The following MPZL1 variants were observed in gnomAD, a reference collection of about 807,000 sequenced individuals.
MPZL1 encodes the protein myelin protein zero-like protein 1.
Under a neutral mutation model 29.3 loss-of-function variants are expected in MPZL1, and 16 were observed. The ratio of observed to expected loss-of-function variants is 0.55; its 90% confidence interval spans 0.37 to 0.83. The LOEUF (loss-of-function observed/expected upper bound fraction) is 0.83, where lower values mean the gene tolerates loss of function less well. MPZL1 is among the 40% of genes least tolerant of loss of function. The pLI is 0.00. For missense variants in MPZL1, 279 were observed against 332.9 expected (o/e 0.84, Z 1.26); for synonymous variants, 143 against 132.0 (o/e 1.08, Z -0.57).
At chr1:167,767,783 C>A (rs1444702052) in intron 2 of MPZL1, among the ~76,000 whole-genome samples, 1 of 119,530 alleles carries the variant, frequency 8.4e-6, no homozygotes, top group Non-Finnish European at 1.8e-5. Context: ...CTTCTGTTTC[C>A]CTTTTCTGCT....
chr1:167,725,454 T>C (rs1302435090), intron 1 of MPZL1, among the ~76,000 whole-genome samples: 2 of 152,040 alleles, frequency 1.3e-5, no homozygotes, highest in African/African-American at 2.4e-5. Context: ...CTGGCTAATT[T>C]TTGATTTTTC....
In MPZL1 at chr1:167,765,749, G is replaced by A. The variant is rs746079380; in HGVS notation, c.258G>A (p.Ser86=). The A allele has an allele frequency of 2.5e-6, 4 of 1,595,058 alleles. No individual in the cohort carries two copies. The highest frequency in any genetic ancestry group is 2.3e-5 in the East Asian group (1 of 44,330). The change falls in exon 2 of 6, where the codon TCG becomes TCA. Residue 86 remains serine, a splice_region_variant and synonymous_variant. Transcript: ENST00000359523. The part of the protein sequence containing the change: ...FQPEGADTTV[S]FFHYSQGQVY... ...CAGAGGGGGCCGACACTACTGTGTC[G>A]GTAAGAATGCTTGACTTCTCTTGGC... is the stretch of plus-strand genomic sequence containing the variant.
chr1:167,728,362 C>CTTTTTTTTTTTTT (rs71097693), intron 1 of MPZL1, among the ~76,000 whole-genome samples: 1 of 117,678 alleles, frequency 8.5e-6, no homozygotes. Context: ...TTCTTTCTTT[C>CTTTTTTTTTTTTT]TTTTTTTTTT....
chr1:167,786,582 C>T (rs1209591222), intron 5 of MPZL1, among the ~76,000 whole-genome samples: 3 of 152,176 alleles, frequency 2.0e-5, no homozygotes, highest in African/African-American at 7.2e-5. Context: ...CTCTAGTCCT[C>T]GAGTGTTATT....
intron 5 of MPZL1, among the ~76,000 whole-genome samples, chr1:167,776,760 A>G (rs1661376626): frequency 6.6e-6 from 1 of 152,242 alleles, no homozygotes; most frequent in Non-Finnish European, 1.5e-5. Flanking sequence ...TTTTGGCTGT[A>G]GTATTTTAAT....
intron 1 of MPZL1, among the ~76,000 whole-genome samples, chr1:167,757,750 T>C (rs1197657565): frequency 1.3e-5 from 2 of 152,256 alleles, no homozygotes; most frequent in African/African-American, 4.8e-5. Flanking sequence ...GATTGTACTC[T>C]TTTAAGCAGG....
chr1:167,725,122 T>C (rs1660114429), intron 1 of MPZL1, among the ~76,000 whole-genome samples: 1 of 152,228 alleles, frequency 6.6e-6, no homozygotes, highest in Admixed American at 6.5e-5. Context: ...GCCAGAAACC[T>C]AGGGTCCATC....
chr1:167,757,561 C>G (rs1318871236), intron 1 of MPZL1, among the ~76,000 whole-genome samples: 1 of 152,188 alleles, frequency 6.6e-6, no homozygotes. Context: ...CTCCTCCACC[C>G]TGTCCCAGTT....
intron 1 of MPZL1, among the ~76,000 whole-genome samples, chr1:167,736,523 G>A (rs995628208): frequency 2.0e-5 from 3 of 152,024 alleles, no homozygotes; most frequent in African/African-American, 4.8e-5. Context: ...CATGCCACTC[G>A]CTATTGTTAT....
intron 1 of MPZL1, among the ~76,000 whole-genome samples, chr1:167,744,924 C>T (rs1660614049): frequency 6.6e-6 from 1 of 152,180 alleles, no homozygotes; most frequent in African/African-American, 2.4e-5. Context: ...TCCACTACTT[C>T]TCCCCCCACT....
rs924314042 is a variant in MPZL1 at position 167,791,695 on chromosome 1, C to T, written c.*3774C>T. ...CACACCAAAAGGAAGTACCAAACTG[C>T]TTCCTTACTCAAATAAATGTGCTGA... is the stretch of plus-strand genomic sequence containing the variant. On this transcript the variant is annotated 3_prime_UTR_variant, in exon 6 of 6. Coordinates refer to ENST00000359523, the MANE Select transcript of MPZL1 (RefSeq NM_003953.6). 6.6e-6 allele frequency: 1 copy of T among 152,210 alleles called. No homozygotes were observed. The highest frequency in any genetic ancestry group is 2.4e-5 in the African/African-American group (1 of 41,448). The allele number at this position is 152,210 out of a possible 1,614,324, so 9.4% of individuals were successfully genotyped here. A position where few individuals can be genotyped will look rare whatever the true frequency, so the allele number is the denominator to read the frequency against.
chr1:167,748,622 G>T (rs946700032), intron 1 of MPZL1, among the ~76,000 whole-genome samples: 26 of 151,920 alleles, frequency 1.7e-4, no homozygotes, highest in African/African-American at 5.3e-4. Context: ...TAAATTTTGG[G>T]TAAGTCCAAT....
intron 1 of MPZL1, among the ~76,000 whole-genome samples, chr1:167,741,299 GGCATGAGTCACCACGTC>G (rs1373404499): frequency 1.3e-5 from 2 of 150,544 alleles, no homozygotes; most frequent in East Asian, 3.9e-4. Flanking sequence ...TGGGATTACA[GGCATGAGTCACCACGTC>G]TAGCCTGCAG....
chr1:167,751,394 G>A (rs1448628348), intron 1 of MPZL1, among the ~76,000 whole-genome samples: 1 of 152,194 alleles, frequency 6.6e-6, no homozygotes, highest in South Asian at 2.1e-4. Context: ...TATGCGCCGG[G>A]CGCGGTGGCT....
intron 1 of MPZL1, among the ~76,000 whole-genome samples, chr1:167,757,431 T>A (rs1381722115): frequency 2.2e-4 from 33 of 152,252 alleles, no homozygotes; most frequent in Admixed American, 2.2e-3. Context: ...AAGTAAAATA[T>A]ATACCAAAGA....
chr1:167,790,149 T>C lies in MPZL1; in HGVS notation c.*2228T>C, dbSNP rs1661677046. 1 of 152,218 alleles carries C rather than the reference T, an allele frequency of 6.6e-6. No individual in the cohort carries two copies. Among genetic ancestry groups the C allele is most frequent in the Non-Finnish European group, 1.5e-5 (1 of 68,032 alleles). The allele number at this position is 152,218 out of a possible 1,614,324, so 9.4% of individuals were successfully genotyped here. A position where few individuals can be genotyped will look rare whatever the true frequency, so the allele number is the denominator to read the frequency against. On this transcript the variant is annotated 3_prime_UTR_variant, in exon 6 of 6. Coordinates refer to ENST00000359523, the MANE Select transcript of MPZL1 (RefSeq NM_003953.6). The stretch of plus-strand genomic sequence containing the variant: ...CAGTTCCTGTGAATAAATGAAACAT[T>C]TCGGAGCTCCCTGAGAGCAAGAGCC...
At chr1:167,723,412 C>T (rs1376048296) in intron 1 of MPZL1, among the ~76,000 whole-genome samples, 1 of 152,170 alleles carries the variant, frequency 6.6e-6, no homozygotes, top group East Asian at 1.9e-4. Flanking sequence ...TAAAAGTCTC[C>T]CTACCCTCCA....
Position 167,739,305 on chromosome 1 carries a change from A to ATATATATATATG in MPZL1, c.91+17067_91+17068insTATATATGTATA, listed in dbSNP as rs1293159904. 3.6e-5 allele frequency among the ~76,000 whole-genome samples: 4 copies of ATATATATATATG among 109,618 alleles called. 1 individual carries two copies. Among genetic ancestry groups the ATATATATATATG allele is most frequent in the African/African-American group, 2.2e-4 (4 of 18,170 alleles). 71.9% of individuals were successfully genotyped at this position (109,618 alleles called of 152,430 possible). ...TACATATATATATATATATATATATATATACACATATATATATTTATGTTT... is the reference window on the plus strand; with the variant it reads ...TACATATATATATATATATATATATATATATATATATGTATACACATATATATATTTATGTTT... On this transcript the variant is annotated intron_variant, in intron 1 of 5. Coordinates refer to ENST00000359523, the MANE Select transcript of MPZL1 (RefSeq NM_003953.6).
intron 1 of MPZL1, among the ~76,000 whole-genome samples, chr1:167,744,663 G>A (rs983843442): frequency 1.6e-5 from 2 of 121,826 alleles, no homozygotes; most frequent in African/African-American, 6.5e-5. Context: ...CAGCCTGGGC[G>A]AAAGAGCGAA....
Sources: gnomAD v4.1 joint callset for allele counts (sites outside exome capture counted in the v4.1 genomes callset) on GRCh38, gnomAD v4.1.1 for gene constraint, MANE v1.5 for transcripts, NCBI Gene and HGNC (gene_info 2026-07-23, HGNC 2026-07-21) for gene names.